Variants in CCNJ observed in about 807,000 individuals in gnomAD.
CCNJ encodes the protein cyclin J, also known as cyclin-J.
In CCNJ, 12 loss-of-function variants were observed where a neutral mutation model predicts 41.4. That is an observed-to-expected ratio of 0.29 (90% CI 0.19 to 0.47). The LOEUF (loss-of-function observed/expected upper bound fraction) is 0.47, where lower values mean the gene tolerates loss of function less well. Ranked by LOEUF, CCNJ falls within the 20% of genes least tolerant of loss-of-function variation. The probability of loss-of-function intolerance (pLI) is 1.00; values close to 1 mark genes in which losing one functional copy is unlikely to be tolerated. For synonymous variants in CCNJ, 161 were observed against 173.4 expected, an observed-to-expected ratio of 0.93 and a Z score of 0.56; for missense variants, 340 against 464.6, an observed-to-expected ratio of 0.73 and a Z score of 2.47.
intron 1 of CCNJ, 25 bp downstream of exon 1, chr10:96,043,744 G>A (rs902912109): frequency 5.7e-5 from 22 of 389,326 alleles, no homozygotes; most frequent in Non-Finnish European, 8.6e-5. Flanking sequence ...GTGGGGCCGG[G>A]CGGCCCGGCA....
In CCNJ at chr10:96,059,040, T is replaced by C. The variant is rs1411908553; in HGVS notation, c.*799T>C. 2.0e-5 allele frequency: 3 copies of C among 152,654 alleles called. No homozygotes were observed. The highest frequency in any genetic ancestry group is 1.9e-4 in the East Asian group (1 of 5,206). The allele number at this position is 152,654 out of a possible 1,614,324, so 9.5% of individuals were successfully genotyped here. ...TATAGTGTGAACTACCTTTATAACA[T>C]AGGTTAAAATACGCTTGCTAGGGTG... On this transcript the variant is annotated 3_prime_UTR_variant, in exon 6 of 6. Coordinates refer to ENST00000465148, the MANE Select transcript of CCNJ (RefSeq NM_001134375.2).
chr10:96,050,307 C>T lies in CCNJ; in HGVS notation c.121C>T (p.Arg41Trp), dbSNP rs769713207. ...KGQSPQLSLR[R>W]YFADLIAIVS... Reference sequence around the variant, plus strand: ...CCAGTCCCCTCAGTTAAGTCTCAGACGGTATTTTGCTGACTTGATTGCCAT... The same window carrying T: ...CCAGTCCCCTCAGTTAAGTCTCAGATGGTATTTTGCTGACTTGATTGCCAT... Residue 41 changes from arginine to tryptophan, a missense_variant, in exon 3 of 6, where the codon CGG becomes TGG. Arg to Trp is a moderately radical substitution (Grantham distance 101, BLOSUM62 -3). This residue lies in a region of CCNJ where 137 missense variants were observed against 252.9 expected (regional missense o/e 0.54). Transcript: ENST00000465148. 9 of 1,613,924 alleles carry T rather than the reference C, an allele frequency of 5.6e-6. No homozygotes were observed. The highest frequency in any genetic ancestry group is 1.3e-5 in the African/African-American group (1 of 74,876).
chr10:96,060,013 T>A lies in CCNJ; in HGVS notation c.*1772T>A, dbSNP rs1393164756. 3 of 152,684 alleles carry A rather than the reference T, an allele frequency of 2.0e-5. No individual in the cohort carries two copies. The highest frequency in any genetic ancestry group is 2.0e-4 in the Admixed American group (3 of 15,288). 9.5% of individuals were successfully genotyped at this position (152,684 alleles called of 1,614,324 possible). On this transcript the variant is annotated 3_prime_UTR_variant, in exon 6 of 6. Transcript: ENST00000465148. ...CCACTCAGGTAAGAACACTCACTCA[T>A]GGCAGTTTTTAAGCATGAAAATTGT... is the stretch of plus-strand genomic sequence containing the variant.
chr10:96,054,868 C>G (rs1166517663), intron 3 of CCNJ, among the ~76,000 whole-genome samples: 2 of 152,054 alleles, frequency 1.3e-5, no homozygotes, highest in Non-Finnish European at 2.9e-5. Flanking sequence ...TATAAATAAA[C>G]TCATTAATTT....
At chr10:96,043,352 C>G (rs1289155667), upstream of CCNJ, 3 of 338,480 alleles carry the variant, frequency 8.9e-6, no homozygotes, top group East Asian at 1.3e-4. Context: ...GGCTGAGCGC[C>G]CCGGCAACCG....
intron 3 of CCNJ, among the ~76,000 whole-genome samples, chr10:96,055,996 A>G (rs2080675408): frequency 6.6e-6 from 1 of 152,196 alleles, no homozygotes; most frequent in South Asian, 2.1e-4. Flanking sequence ...TAAAGCTATG[A>G]CATTAAATTG....
intron 2 of CCNJ, among the ~76,000 whole-genome samples, chr10:96,044,795 C>G (rs1167007106): frequency 6.6e-6 from 1 of 152,118 alleles, no homozygotes; most frequent in Non-Finnish European, 1.5e-5. Flanking sequence ...CCTCTTTGTT[C>G]GAGAGTTGCC....
chr10:96,045,464 C>G (rs1052344330), intron 2 of CCNJ, among the ~76,000 whole-genome samples: 1 of 152,184 alleles, frequency 6.6e-6, no homozygotes, highest in African/African-American at 2.4e-5. Flanking sequence ...GATTGGAAAA[C>G]CTAATTCTGA....
In CCNJ at chr10:96,058,736, T is replaced by A. The variant is rs1390388034; in HGVS notation, c.*495T>A. The A allele has an allele frequency of 5.3e-6, 2 of 376,604 alleles. No homozygotes were observed. The highest frequency in any genetic ancestry group is 9.4e-6 in the Non-Finnish European group (2 of 212,926). The allele number at this position is 376,604 out of a possible 1,614,324, so 23.3% of individuals were successfully genotyped here. Reference sequence around the variant, plus strand: ...TTTGTTCTACACATGAATTTTTGACTAAGTTTAAACTCATGAATTGTTATG... The same window carrying A: ...TTTGTTCTACACATGAATTTTTGACAAAGTTTAAACTCATGAATTGTTATG... On this transcript the variant is annotated 3_prime_UTR_variant, in exon 6 of 6. Transcript: ENST00000465148.
Position 96,059,618 on chromosome 10 carries a change from G to A in CCNJ, c.*1377G>A, listed in dbSNP as rs1162941665. 1 of 152,432 alleles carries A rather than the reference G, an allele frequency of 6.6e-6. No individual in the cohort carries two copies. The highest frequency in any genetic ancestry group is 2.4e-5 in the African/African-American group (1 of 41,436). 9.4% of individuals were successfully genotyped at this position (152,432 alleles called of 1,614,324 possible). ...GAGAAGAAAGATTTGGTGGAGGGAA[G>A]CTTTCTGGTTTAAAAATTAGTAAGG... is the stretch of plus-strand genomic sequence containing the variant. On this transcript the variant is annotated 3_prime_UTR_variant, in exon 6 of 6. Transcript: ENST00000465148.
chr10:96,053,060 G>A (rs1446605648), intron 3 of CCNJ, among the ~76,000 whole-genome samples: 1 of 152,192 alleles, frequency 6.6e-6, no homozygotes, highest in Non-Finnish European at 1.5e-5. Flanking sequence ...TCTGATTCCT[G>A]TTTTAAATTT....
intron 2 of CCNJ, 33 bp downstream of exon 2, chr10:96,044,495 T>C: frequency 4.9e-6 from 7 of 1,437,198 alleles, no homozygotes; most frequent in Non-Finnish European, 6.5e-6. Context: ...CTTCTCCTTC[T>C]GTGTGTCGCG....
intron 3 of CCNJ, among the ~76,000 whole-genome samples, chr10:96,054,217 A>G (rs1438552693): frequency 3.3e-5 from 5 of 152,178 alleles, no homozygotes; most frequent in Non-Finnish European, 4.4e-5. Flanking sequence ...GGCCTTTATC[A>G]ATATAATCAC....
chr10:96,043,410 C>T (rs899743788), upstream of CCNJ: 2 of 368,942 alleles, frequency 5.4e-6, no homozygotes, highest in African/African-American at 2.1e-5. Context: ...GGATGCTGAC[C>T]GTACCCAGGC....
chr10:96,043,435 C>G (rs1286045851), upstream of CCNJ: 1 of 377,686 alleles, frequency 2.6e-6, no homozygotes, highest in African/African-American at 2.1e-5. Flanking sequence ...GCCGCCGCGC[C>G]GCCGCCTGGC....
rs2080796896 is a variant in CCNJ at position 96,060,749 on chromosome 10, C to A, written c.*2508C>A. The A allele has an allele frequency of 6.6e-6, 1 of 151,890 alleles. No individual in the cohort carries two copies. The highest frequency in any genetic ancestry group is 6.6e-5 in the Admixed American group (1 of 15,174). 9.4% of individuals were successfully genotyped at this position (151,890 alleles called of 1,614,324 possible). A position where few individuals can be genotyped will look rare whatever the true frequency, so the allele number is the denominator to read the frequency against. Reference sequence around the variant, plus strand: ...ACACTACTCAAGTACAGACTGCAAACCAAAATGTATCTGTGTTACGACATT... The same window carrying A: ...ACACTACTCAAGTACAGACTGCAAAACAAAATGTATCTGTGTTACGACATT... On this transcript the variant is annotated 3_prime_UTR_variant, in exon 6 of 6. Coordinates refer to ENST00000465148, the MANE Select transcript of CCNJ (RefSeq NM_001134375.2).
chr10:96,050,845 AG>A (rs1274529893), intron 3 of CCNJ, among the ~76,000 whole-genome samples: 2 of 152,238 alleles, frequency 1.3e-5, no homozygotes, highest in Admixed American at 1.3e-4. Flanking sequence ...TTTGTCCCAC[AG>A]GGAACACTTG....
At chr10:96,053,152 A>G (rs528705088) in intron 3 of CCNJ, among the ~76,000 whole-genome samples, 127 of 152,342 alleles carry the variant, frequency 8.3e-4, no homozygotes, top group Non-Finnish European at 1.6e-3. Flanking sequence ...GCAAATGCTT[A>G]TGTCTACACT....
intron 2 of CCNJ, among the ~76,000 whole-genome samples, chr10:96,046,535 T>C (rs542649951): frequency 1.3e-5 from 2 of 152,316 alleles, no homozygotes; most frequent in Admixed American, 6.5e-5. Flanking sequence ...TGCCAGGTGT[T>C]AGAGCAATAA....
Sources: allele counts gnomAD v4.1 joint callset (sites outside exome capture counted in the v4.1 genomes callset), GRCh38; gene constraint gnomAD v4.1.1; regional missense constraint gnomAD v4.1.1; transcripts MANE v1.5; gene names NCBI Gene and HGNC (gene_info 2026-07-23, HGNC 2026-07-21).